Variants in PBX1 observed in about 807,000 individuals in gnomAD.
PBX1 encodes pre-B-cell leukemia transcription factor 1.
A neutral mutation model predicts 53.4 loss-of-function variants in PBX1; 6 were observed. The observed-to-expected ratio is 0.11, with a 90% CI of 0.06 to 0.22. The LOEUF (loss-of-function observed/expected upper bound fraction) is 0.22. Ranked by LOEUF, PBX1 falls within the 10% of genes least tolerant of loss-of-function variation. PBX1 has a pLI of 1.00. For synonymous variants in PBX1, 204 were observed against 212.3 expected, an observed-to-expected ratio of 0.96 and a Z score of 0.34; for missense variants, 251 against 551.4, an observed-to-expected ratio of 0.46 and a Z score of 5.46.
intron 2 of PBX1, among the ~76,000 whole-genome samples, chr1:164,672,247 A>G (rs1661162700): frequency 6.6e-6 from 1 of 151,968 alleles, no homozygotes; most frequent in Non-Finnish European, 1.5e-5. Flanking sequence ...TTTCCCTTTG[A>G]TAAGCTGTCA....
At chr1:164,677,340 C>T (rs2101987611) in intron 2 of PBX1, among the ~76,000 whole-genome samples, 1 of 151,864 alleles carries the variant, frequency 6.6e-6, no homozygotes, top group African/African-American at 2.4e-5. Flanking sequence ...GATCCACCCG[C>T]CTCGGCCTCC....
chr1:164,869,738 TGAATGTTTGGCTAGA>T (rs1178638361), intron 2 of PBX1, among the ~76,000 whole-genome samples: 2 of 152,158 alleles, frequency 1.3e-5, no homozygotes, highest in East Asian at 3.9e-4. Flanking sequence ...AAGAAACAGG[TGAATGTTTGGCTAGA>T]GCAGGCAGTG....
chr1:164,583,227 C>T (rs1448033886), intron 2 of PBX1, among the ~76,000 whole-genome samples: 1 of 151,704 alleles, frequency 6.6e-6, no homozygotes, highest in Non-Finnish European at 1.5e-5. Context: ...ACTCTCATTA[C>T]AGCCAGCTTC....
At chr1:164,676,915 A>G (rs79322490) in intron 2 of PBX1, among the ~76,000 whole-genome samples, 3,240 of 152,202 alleles carry the variant, frequency 0.021, 134 homozygotes, top group African/African-American at 0.074. Flanking sequence ...TGTCAGGCTC[A>G]TCTCAACACT....
intron 2 of PBX1, among the ~76,000 whole-genome samples, chr1:164,676,680 A>C (rs1427435115): frequency 6.6e-6 from 1 of 152,160 alleles, no homozygotes; most frequent in Non-Finnish European, 1.5e-5. Context: ...CAGCCCCCTA[A>C]CTTGCTAGCT....
At chr1:164,785,398 G>A in intron 2 of PBX1, among the ~76,000 whole-genome samples, 1 of 152,318 alleles carries the variant, frequency 6.6e-6, no homozygotes, top group East Asian at 1.9e-4. Context: ...CCCACCTTTG[G>A]TTGAGAAGAA....
intron 8 of PBX1, among the ~76,000 whole-genome samples, chr1:164,823,396 T>TAA (rs1389661248): frequency 2.0e-5 from 3 of 151,874 alleles, no homozygotes; most frequent in Non-Finnish European, 2.9e-5. Flanking sequence ...TTTTGGGATA[T>TAA]AAGTTTTTCC....
intron 2 of PBX1, among the ~76,000 whole-genome samples, chr1:164,777,426 C>T (rs1667726636): frequency 6.6e-6 from 1 of 152,082 alleles, no homozygotes; most frequent in African/African-American, 2.4e-5. Context: ...CTGCCTCAAA[C>T]AACAACAACA....
intron 2 of PBX1, among the ~76,000 whole-genome samples, chr1:164,767,432 C>T (rs968479546): frequency 1.3e-5 from 2 of 152,004 alleles, no homozygotes; most frequent in Non-Finnish European, 2.9e-5. Context: ...TCAGAGAGTG[C>T]GCTGGAGGCA....
At chr1:164,616,357 C>T (rs753867069) in intron 2 of PBX1, among the ~76,000 whole-genome samples, 12 of 152,034 alleles carry the variant, frequency 7.9e-5, no homozygotes, top group East Asian at 1.9e-4. Flanking sequence ...GCTCCTGTGA[C>T]GAGGGGTGGG....
rs574106517 is a variant in PBX1, at chr1:164,788,788, T to C, written c.266-3706T>C. Reference sequence around the variant, plus strand: ...CCCTTTTCTTTTCATTCTTTTGTTTTCTTCAGAACTCTGATTGGGGACCTA... The same window carrying C: ...CCCTTTTCTTTTCATTCTTTTGTTTCCTTCAGAACTCTGATTGGGGACCTA... On this transcript the variant is annotated intron_variant, in intron 2 of 8. Transcript: ENST00000420696. Among the ~76,000 whole-genome samples the C allele has an allele frequency of 1.8e-4, 26 of 147,592 alleles. No homozygotes were observed. In the East Asian group the frequency reaches 3.8e-3, roughly 22 times the overall value.
intron 2 of PBX1, among the ~76,000 whole-genome samples, chr1:164,667,852 T>C (rs1186031371): frequency 6.6e-6 from 1 of 152,132 alleles, no homozygotes; most frequent in Admixed American, 6.5e-5. Context: ...AGGCTCGAGG[T>C]AGATGCAGTT....
intron 2 of PBX1, among the ~76,000 whole-genome samples, chr1:164,791,976 C>T (rs1015379719): frequency 3.3e-5 from 5 of 152,026 alleles, no homozygotes; most frequent in Admixed American, 2.0e-4. Flanking sequence ...AGGCACGCAC[C>T]ACCACGCCTG....
intron 2 of PBX1, among the ~76,000 whole-genome samples, chr1:164,791,863 C>T (rs113024447): frequency 0.016 from 2,409 of 152,072 alleles, 57 homozygotes; most frequent in African/African-American, 0.048. Flanking sequence ...CTCTGTTGCC[C>T]AGGCTGGAGT....
intron 2 of PBX1, among the ~76,000 whole-genome samples, chr1:164,714,307 A>T (rs1254924116): frequency 1.3e-5 from 2 of 152,212 alleles, no homozygotes; most frequent in Non-Finnish European, 2.9e-5. Flanking sequence ...ATTGTCTATT[A>T]AACCTTTAAT....
At chr1:164,877,909 G>A (rs1470188907) in intron 2 of PBX1, among the ~76,000 whole-genome samples, 1 of 152,030 alleles carries the variant, frequency 6.6e-6, no homozygotes, top group Non-Finnish European at 1.5e-5. Context: ...CTTCTCCCCA[G>A]CCAACCACTG....
intron 2 of PBX1, among the ~76,000 whole-genome samples, chr1:164,663,220 GCCTTCCTGCCTTCCTT>G (rs1178634409): frequency 5.1e-5 from 7 of 136,318 alleles, no homozygotes; most frequent in African/African-American, 1.1e-4. Flanking sequence ...CTGCCTTCCT[GCCTTCCTGCCTTCCTT>G]CCTTCCTGCC....
At chr1:164,582,191 G>A (rs1358744684) in intron 2 of PBX1, among the ~76,000 whole-genome samples, 1 of 152,144 alleles carries the variant, frequency 6.6e-6, no homozygotes, top group Non-Finnish European at 1.5e-5. Flanking sequence ...TTGCTAGTAA[G>A]GAAGTAGCTA....
intron 2 of PBX1, among the ~76,000 whole-genome samples, chr1:164,757,934 C>G (rs906609802): frequency 6.6e-6 from 1 of 152,160 alleles, no homozygotes; most frequent in African/African-American, 2.4e-5. Context: ...AGTGTTTTCA[C>G]TAAAACACTT....
Sources: gnomAD v4.1 joint callset for allele counts (sites outside exome capture counted in the v4.1 genomes callset) on GRCh38, gnomAD v4.1.1 for gene constraint, MANE v1.5 for transcripts, NCBI Gene and HGNC (gene_info 2026-07-23, HGNC 2026-07-21) for gene names.